APC: variants seen among roughly 807,000 people sequenced by gnomAD.
The protein encoded by APC is adenomatous polyposis coli protein.
Under a neutral mutation model 247.0 loss-of-function variants are expected in APC, and 72 were observed. That is an observed-to-expected ratio of 0.29 (90% CI 0.24 to 0.35). The LOEUF is 0.35. Ranked by LOEUF, APC falls within the 10% of genes least tolerant of loss-of-function variation. The pLI is 1.00. For missense variants in APC, 3,400 were observed against 3,360.7 expected (o/e 1.01, Z -0.29); for synonymous variants, 1,254 against 1,162.5 (o/e 1.08, Z -1.60).
chr5:112,845,090 T>C lies in APC; in HGVS notation c.*964T>C. On this transcript the variant is annotated 3_prime_UTR_variant, in exon 16 of 16. Coordinates refer to ENST00000257430, the MANE Select transcript of APC (RefSeq NM_000038.6). ...TATAAATTTTTTTCTTCAGCTTCTA[T>C]GCATTAAGAGTAAAATTCCTCTTAC... is the stretch of plus-strand genomic sequence containing the variant. 4.3e-6 allele frequency: 1 copy of C among 232,492 alleles called. No individual in the cohort carries two copies. The highest frequency in any genetic ancestry group is 8.5e-6 in the Non-Finnish European group (1 of 117,312). The allele number at this position is 232,492 out of a possible 1,614,324, so 14.4% of individuals were successfully genotyped here. A position where few individuals can be genotyped will look rare whatever the true frequency, so the allele number is the denominator to read the frequency against.
At chr5:112,791,374 C>T (rs1759564878) in intron 6 of APC, among the ~76,000 whole-genome samples, 1 of 152,186 alleles carries the variant, frequency 6.6e-6, no homozygotes, top group African/African-American at 2.4e-5. Context: ...ACAGAAGTAA[C>T]TTTGGGGAAG....
At chr5:112,750,804 T>C (rs1754273431) in intron 1 of APC, among the ~76,000 whole-genome samples, 1 of 152,118 alleles carries the variant, frequency 6.6e-6, no homozygotes, top group Admixed American at 6.5e-5. Context: ...ATATCTTTAC[T>C]TAAAAAAATA....
chr5:112,828,921 A>C lies in APC; in HGVS notation c.1692A>C (p.Arg564=), dbSNP rs763295800. 3.7e-6 allele frequency: 6 copies of C among 1,613,978 alleles called. No individual in the cohort carries two copies. The East Asian group carries it at 1.1e-4, about 30-fold the overall frequency. Residue 564 remains arginine (R), a synonymous_variant, in exon 14 of 16, where the codon CGA becomes CGC. Transcript: ENST00000257430. ...ATGTAAATAGTAAAAAGACGTTGCG[A>C]GAAGTTGGAAGTGTGAAAGCATTGA... ...RADVNSKKTL[R]EVGSVKALME...
At chr5:112,769,198 G>A (rs916442827) in intron 4 of APC, among the ~76,000 whole-genome samples, 5 of 151,118 alleles carry the variant, frequency 3.3e-5, no homozygotes, top group African/African-American at 9.7e-5. Flanking sequence ...TTACAGGCAC[G>A]CCCCACCGCG....
At chr5:112,760,999 C>G (rs1051126508) in intron 2 of APC, among the ~76,000 whole-genome samples, 2 of 151,958 alleles carry the variant, frequency 1.3e-5, no homozygotes, top group Non-Finnish European at 2.9e-5. Context: ...TTAGTAGAGA[C>G]GGGGTTTCAC....
At chr5:112,720,224 A>G (rs944835670) in intron 1 of APC, among the ~76,000 whole-genome samples, 1 of 152,240 alleles carries the variant, frequency 6.6e-6, no homozygotes, top group Non-Finnish European at 1.5e-5. Flanking sequence ...TTGTGATTAA[A>G]TTGATGTGTC....
intron 1 of APC, among the ~76,000 whole-genome samples, chr5:112,742,088 G>A (rs1238654556): frequency 6.6e-6 from 1 of 152,162 alleles, no homozygotes; most frequent in African/African-American, 2.4e-5. Context: ...GAACGTGGGT[G>A]TGCAAGTGTC....
Position 112,775,663 on chromosome 5 carries a change from A to G in APC, c.457A>G (p.Lys153Glu), listed in dbSNP as rs1561477861. 1 of 1,609,100 alleles carries G rather than the reference A, an allele frequency of 6.2e-7. No homozygotes were observed. Among genetic ancestry groups the G allele is most frequent in the Non-Finnish European group, 8.5e-7 (1 of 1,177,984 alleles). The change falls in exon 5 of 16, where the codon AAG becomes GAG. Residue 153 changes from lysine (K) to glutamate (E), a missense_variant. Transcript: ENST00000257430. ...TCTTGCTGATCTTGACAAAGAAGAA[A>G]AGGAAAAAGACTGGTATTACGCTCA... ...LLLADLDKEEKEKDWYYAQLQ... is the reference protein window; with the variant it reads ...LLLADLDKEEEEKDWYYAQLQ...
intron 4 of APC, among the ~76,000 whole-genome samples, chr5:112,774,464 ATTTTTT>A (rs35554771): frequency 8.2e-6 from 1 of 121,278 alleles, no homozygotes; most frequent in African/African-American, 3.0e-5. Context: ...TGCAAGATCG[ATTTTTT>A]TTTTTTTTTT....
At chr5:112,837,524 A>C (rs372130348) in intron 15 of APC, 29 bp from the exon 16 acceptor site, 1 of 1,563,294 alleles carries the variant, frequency 6.4e-7, no homozygotes, top group Non-Finnish European at 8.8e-7. Flanking sequence ...TTGTGACCTT[A>C]ATTTTGTGAT....
chr5:112,731,288 T>A (rs2149672398), intron 1 of APC, among the ~76,000 whole-genome samples: 1 of 152,320 alleles, frequency 6.6e-6, no homozygotes, highest in East Asian at 1.9e-4. Context: ...CATTTTCTGC[T>A]ACTATAACAA....
intron 8 of APC, among the ~76,000 whole-genome samples, chr5:112,814,504 C>G (rs1762297137): frequency 6.6e-6 from 1 of 152,196 alleles, no homozygotes; most frequent in Admixed American, 6.5e-5. Flanking sequence ...AGTCAAGTTA[C>G]TCAAGCCAGT....
chr5:112,767,636 T>G (rs1421160155), intron 4 of APC, among the ~76,000 whole-genome samples: 2 of 152,114 alleles, frequency 1.3e-5, no homozygotes, highest in Admixed American at 6.5e-5. Context: ...GTTTGTTTTT[T>G]GGGGTTTATT....
chr5:112,775,738 G>T lies in APC; in HGVS notation c.531+1G>T. The T allele has an allele frequency of 6.6e-7, 1 of 1,509,000 alleles. No individual in the cohort carries two copies. Among genetic ancestry groups the T allele is most frequent in the Non-Finnish European group, 9.1e-7 (1 of 1,098,008 alleles). 93.5% of individuals were successfully genotyped at this position (1,509,000 alleles called of 1,614,324 possible). A position where few individuals can be genotyped will look rare whatever the true frequency, so the allele number is the denominator to read the frequency against. On this transcript the variant is annotated splice_donor_variant, in intron 5 of 15. Transcript: ENST00000257430. LOFTEE classifies it high-confidence loss of function. ...AGATAGTCTTCCTTTAACTGAAAAT[G>T]TAAGTAACTTGGCAGTACAACTTAT...
chr5:112,822,706 C>G (rs1443444013), intron 11 of APC, among the ~76,000 whole-genome samples: 1 of 152,152 alleles, frequency 6.6e-6, no homozygotes, highest in Non-Finnish European at 1.5e-5. Flanking sequence ...CTGGATCTCT[C>G]TAGTCATGCC....
At position 112,839,713 on chromosome 5, in the gene APC, T is replaced by A. The variant is rs1248565162; in HGVS notation, c.4119T>A (p.Pro1373=). Residue 1373 remains proline (P), a synonymous_variant, in exon 16 of 16, where the codon CCT becomes CCA. Transcript: ENST00000257430. The surrounding 1 kb of genome is among the most constrained non-coding windows in gnomAD (Gnocchi z 5.0). ...KSGAQTPKSP[P]EHYVQETPLM... ...GTGCTCAGACACCCAAAAGTCCACC[T>A]GAACACTATGTTCAGGAGACCCCAC... The A allele has an allele frequency of 1.9e-6, 3 of 1,614,036 alleles. No individual in the cohort carries two copies. Among genetic ancestry groups the A allele is most frequent in the Non-Finnish European group, 1.7e-6 (2 of 1,180,024 alleles).
At chr5:112,745,346 C>G (rs1753529005) in intron 1 of APC, among the ~76,000 whole-genome samples, 1 of 151,716 alleles carries the variant, frequency 6.6e-6, no homozygotes, top group Non-Finnish European at 1.5e-5. Flanking sequence ...TTTGAAGTAT[C>G]CCCTAGATCA....
At chr5:112,788,305 A>T (rs931634212) in intron 6 of APC, among the ~76,000 whole-genome samples, 3 of 152,204 alleles carry the variant, frequency 2.0e-5, no homozygotes, top group African/African-American at 7.2e-5. Context: ...TCTAATTCAG[A>T]TAAAAGCTTC....
At chr5:112,799,464 T>C (rs1760568746) in intron 7 of APC, among the ~76,000 whole-genome samples, 1 of 152,144 alleles carries the variant, frequency 6.6e-6, no homozygotes, top group African/African-American at 2.4e-5. Context: ...CCACTTCTTT[T>C]ATCTCTGTCA....
Sources: allele counts gnomAD v4.1 joint callset (sites outside exome capture counted in the v4.1 genomes callset), GRCh38; gene constraint gnomAD v4.1.1; non-coding constraint Gnocchi (gnomAD v3.1); transcripts MANE v1.5; gene names NCBI Gene and HGNC (gene_info 2026-07-23, HGNC 2026-07-21).